LOXL2: variants seen among roughly 807,000 people sequenced by gnomAD.
LOXL2 encodes the protein lysyl oxidase like 2, also known as lysyl oxidase homolog 2.
Under a neutral mutation model 93.0 loss-of-function variants are expected in LOXL2, and 70 were observed. That is an observed-to-expected ratio of 0.75 (90% CI 0.62 to 0.92). The LOEUF is 0.92. Ranked by LOEUF, LOXL2 falls within the 40% of genes least tolerant of loss-of-function variation. The pLI is 0.00. For missense variants in LOXL2, 973 were observed against 1,054.9 expected, an observed-to-expected ratio of 0.92 and a Z score of 1.08; for synonymous variants, 438 against 413.2, an observed-to-expected ratio of 1.06 and a Z score of -0.73.
At chr8:23,398,837 TG>T (rs1800125403) in intron 1 of LOXL2, among the ~76,000 whole-genome samples, 1 of 152,000 alleles carries the variant, frequency 6.6e-6, no homozygotes, top group African/African-American at 2.4e-5. Flanking sequence ...TGGTAGAGAC[TG>T]GGTCTCCCTA....
intron 1 of LOXL2, among the ~76,000 whole-genome samples, chr8:23,391,275 C>T (rs1364383474): frequency 6.6e-6 from 1 of 152,188 alleles, no homozygotes; most frequent in African/African-American, 2.4e-5. Context: ...CATGGTTTGA[C>T]TATAAGATAA....
intron 4 of LOXL2, among the ~76,000 whole-genome samples, chr8:23,335,347 G>A (rs549683455): frequency 8.5e-5 from 13 of 152,280 alleles, no homozygotes; most frequent in African/African-American, 2.2e-4. Context: ...ATAGGCATGC[G>A]TCAGTGCCTG....
At chr8:23,303,092 C>T (rs1290332386) in intron 11 of LOXL2, among the ~76,000 whole-genome samples, 190 bp downstream of exon 11, 2 of 151,924 alleles carry the variant, frequency 1.3e-5, no homozygotes, top group African/African-American at 2.4e-5. Flanking sequence ...AATCCGGGTG[C>T]CCTTGGAACC....
intron 10 of LOXL2, among the ~76,000 whole-genome samples, chr8:23,304,828 C>T (rs866318806): frequency 6.6e-6 from 1 of 152,178 alleles, no homozygotes. Context: ...CCCTTGGCCT[C>T]AGGTTCCCTC....
chr8:23,391,386 C>T (rs915108098), intron 1 of LOXL2, among the ~76,000 whole-genome samples: 6 of 152,138 alleles, frequency 3.9e-5, no homozygotes, highest in African/African-American at 1.2e-4. Context: ...TCACGGGCTA[C>T]ATCAGAAGTT....
intron 1 of LOXL2, among the ~76,000 whole-genome samples, chr8:23,371,434 G>T (rs537679192): frequency 1.3e-5 from 2 of 152,256 alleles, no homozygotes; most frequent in East Asian, 3.9e-4. Flanking sequence ...GTCCTGTGGG[G>T]TTTAAAATAC....
chr8:23,331,107 CT>C (rs1342655316), intron 5 of LOXL2, among the ~76,000 whole-genome samples: 1 of 152,206 alleles, frequency 6.6e-6, no homozygotes, highest in Non-Finnish European at 1.5e-5. Context: ...TTATCCGGCT[CT>C]TGTCACGGTG....
At chr8:23,332,872 G>C (rs1204724745) in intron 5 of LOXL2, among the ~76,000 whole-genome samples, 1 of 112,698 alleles carries the variant, frequency 8.9e-6, no homozygotes, top group Non-Finnish European at 1.7e-5. Context: ...TCATACACAC[G>C]CACAGACTCA....
At chr8:23,371,585 T>A (rs896507438) in intron 1 of LOXL2, among the ~76,000 whole-genome samples, 1 of 151,402 alleles carries the variant, frequency 6.6e-6, no homozygotes, top group Non-Finnish European at 1.5e-5. Flanking sequence ...ACCCCGTCTC[T>A]ACTAAAAATA....
chr8:23,341,633 CTGTG>C (rs1280032806), intron 3 of LOXL2: 2 of 227,368 alleles, frequency 8.8e-6, no homozygotes, highest in East Asian at 2.1e-4. Context: ...GTGAGTGTGT[CTGTG>C]TGTGTCTCCC....
At chr8:23,403,502 C>T (rs1800178307) in intron 1 of LOXL2, among the ~76,000 whole-genome samples, 1 of 152,144 alleles carries the variant, frequency 6.6e-6, no homozygotes, top group East Asian at 1.9e-4. Flanking sequence ...CGCTCTACAT[C>T]CCCAAAACCA....
At chr8:23,381,780 G>A (rs1156363934) in intron 1 of LOXL2, among the ~76,000 whole-genome samples, 1 of 152,218 alleles carries the variant, frequency 6.6e-6, no homozygotes, top group Admixed American at 6.5e-5. Context: ...GTCAGGATGG[G>A]GACGGCGAGG....
intron 2 of LOXL2, 80 bp from the exon 3 acceptor site, chr8:23,360,345 T>C: frequency 1.8e-6 from 2 of 1,086,042 alleles, no homozygotes; most frequent in Non-Finnish European, 2.6e-6. Context: ...GTGTCTCACA[T>C]GGAAAGAGAA....
At chr8:23,380,218 C>T (rs1306342838) in intron 1 of LOXL2, among the ~76,000 whole-genome samples, 1 of 152,058 alleles carries the variant, frequency 6.6e-6, no homozygotes, top group Non-Finnish European at 1.5e-5. Flanking sequence ...CATGGTGAAA[C>T]TCCATCTCTA....
At chr8:23,329,424 G>C (rs904858719) in intron 5 of LOXL2, among the ~76,000 whole-genome samples, 2 of 152,216 alleles carry the variant, frequency 1.3e-5, no homozygotes, top group Admixed American at 1.3e-4. Context: ...AGTTAGACAG[G>C]AGTAAGACTC....
At chr8:23,355,952 A>C (rs530437594) in intron 3 of LOXL2, among the ~76,000 whole-genome samples, 18 of 152,206 alleles carry the variant, frequency 1.2e-4, no homozygotes, top group African/African-American at 4.1e-4. Context: ...CTCTCCCTAA[A>C]GTCTGCACTC....
At chr8:23,394,508 G>A (rs546154516) in intron 1 of LOXL2, among the ~76,000 whole-genome samples, 2 of 151,876 alleles carry the variant, frequency 1.3e-5, no homozygotes, top group African/African-American at 2.4e-5. Context: ...AAAAAGGTGT[G>A]ATACATCACT....
intron 3 of LOXL2, among the ~76,000 whole-genome samples, chr8:23,346,205 T>TAAATA (rs1554479851): frequency 6.5e-4 from 53 of 80,960 alleles, no homozygotes; most frequent in Non-Finnish European, 8.2e-4. Flanking sequence ...TAAAATAAAA[T>TAAATA]AAATAAAATA....
intron 3 of LOXL2, among the ~76,000 whole-genome samples, chr8:23,346,149 A>AAAC (rs1803976062): frequency 1.0e-5 from 1 of 99,502 alleles, no homozygotes; most frequent in African/African-American, 3.4e-5. Flanking sequence ...AAATAAATAA[A>AAAC]ATAAAATAAA....
Sources: allele counts gnomAD v4.1 joint callset (sites outside exome capture counted in the v4.1 genomes callset), GRCh38; gene constraint gnomAD v4.1.1; transcripts MANE v1.5; gene names NCBI Gene and HGNC (gene_info 2026-07-23, HGNC 2026-07-21).